MTURN: variants seen among roughly 807,000 people sequenced by gnomAD.
MTURN encodes the protein maturin.
Under a neutral mutation model 14.9 loss-of-function variants are expected in MTURN, and 7 were observed. That is an observed-to-expected ratio of 0.47 (90% CI 0.27 to 0.88). The LOEUF (loss-of-function observed/expected upper bound fraction) is 0.88. Among genes scored for constraint, MTURN ranks in the 40% least tolerant of loss-of-function variants. The pLI, the probability that MTURN is intolerant of heterozygous loss-of-function variation, is 0.14. For missense variants in MTURN, 151 were observed against 174.1 expected (o/e 0.87, Z 0.75); for synonymous variants, 69 against 72.5 (o/e 0.95, Z 0.25).
At chr7:30,155,478 G>GT (rs558116013) in intron 2 of MTURN, among the ~76,000 whole-genome samples, 31 of 152,288 alleles carry the variant, frequency 2.0e-4, no homozygotes, top group African/African-American at 7.5e-4. Flanking sequence ...GGCAAACTTG[G>GT]TTTTTTATTC....
intron 1 of MTURN, among the ~76,000 whole-genome samples, chr7:30,139,770 CTT>C (rs1010690429): frequency 3.6e-4 from 55 of 152,236 alleles, no homozygotes; most frequent in African/African-American, 1.1e-3. Context: ...CTTGCACACT[CTT>C]TCTCTATCTC....
intron 1 of MTURN, among the ~76,000 whole-genome samples, chr7:30,142,910 T>C (rs1453214364): frequency 1.3e-5 from 2 of 152,248 alleles, no homozygotes; most frequent in South Asian, 2.1e-4. Context: ...CTGTAGTTTT[T>C]TTCCTGGTCA....
At position 30,157,492 on chromosome 7, in the gene MTURN, G is replaced by C. The variant is rs757538874; in HGVS notation, c.340G>C (p.Val114Leu). The C allele has an allele frequency of 2.5e-6, 4 of 1,607,570 alleles. 1 individual carries two copies. The South Asian group carries it at 4.4e-5, about 18-fold the overall frequency. ...TGCGTTTGAAGAGTACAGTGCTGACGTGGAAGAAGAGGAGCCAGAGGCGGA... is the reference window on the plus strand; with the variant it reads ...TGCGTTTGAAGAGTACAGTGCTGACCTGGAAGAAGAGGAGCCAGAGGCGGA... ...DDAFEEYSAD[V>L]EEEEPEADHP... The change falls in exon 3 of 3, where the codon GTG (valine) becomes CTG (leucine). Residue 114 changes from valine to leucine, a missense_variant. By Grantham distance (32) the Val-to-Leu change is conservative (BLOSUM62 1). Transcript: ENST00000324453.
rs1797348708 is a variant in MTURN, at chr7:30,160,231, TA to T, written c.*2684del. The T allele has an allele frequency of 6.6e-6, 1 of 152,314 alleles. No homozygotes were observed. Among genetic ancestry groups the T allele is most frequent in the Non-Finnish European group, 1.5e-5 (1 of 68,126 alleles). The allele number at this position is 152,314 out of a possible 1,614,324, so 9.4% of individuals were successfully genotyped here. The stretch of plus-strand genomic sequence containing the variant: ...TGGGATCTTGCCAAGGTGCTGCCTT[TA>T]GGATGCTGACCCCTGCACTACCTTA... On this transcript the variant is annotated 3_prime_UTR_variant, in exon 3 of 3. Coordinates refer to ENST00000324453, the MANE Select transcript of MTURN (RefSeq NM_152793.3).
At chr7:30,142,689 C>A (rs1452407223) in intron 1 of MTURN, among the ~76,000 whole-genome samples, 1 of 151,906 alleles carries the variant, frequency 6.6e-6, no homozygotes, top group Non-Finnish European at 1.5e-5. Flanking sequence ...TCTGCCCCCC[C>A]AGCACGCAAC....
At chr7:30,154,374 C>T (rs1005298471) in intron 2 of MTURN, among the ~76,000 whole-genome samples, 4 of 152,182 alleles carry the variant, frequency 2.6e-5, no homozygotes, top group African/African-American at 9.7e-5. Flanking sequence ...CCCATGTTCC[C>T]TGGGATAGGC....
chr7:30,135,038 GCC>G lies in MTURN; in HGVS notation c.-97_-96del. On this transcript the variant is annotated 5_prime_UTR_variant, in exon 1 of 3. Transcript: ENST00000324453. Reference sequence around the variant, plus strand: ...GCCGGCCCAGCCCGGCCCCGGAGGAGCCCGCGCAGGCCGAGCCGAGCGCCGCG... The same window carrying G: ...GCCGGCCCAGCCCGGCCCCGGAGGAGCGCGCAGGCCGAGCCGAGCGCCGCG... 13 of 1,050,262 alleles carry G rather than the reference GCC, an allele frequency of 1.2e-5. No individual in the cohort carries two copies. The highest frequency in any genetic ancestry group is 1.5e-5 in the Non-Finnish European group (13 of 854,912). The allele number at this position is 1,050,262 out of a possible 1,614,324, so 65.1% of individuals were successfully genotyped here.
chr7:30,136,152 T>C (rs1015853777), intron 1 of MTURN, among the ~76,000 whole-genome samples: 2 of 152,180 alleles, frequency 1.3e-5, no homozygotes, highest in Admixed American at 6.5e-5. Context: ...TGAAGCCCGT[T>C]GGCTTTTCCA....
intron 2 of MTURN, among the ~76,000 whole-genome samples, chr7:30,151,665 T>C (rs1052314462): frequency 3.3e-5 from 5 of 152,228 alleles, no homozygotes; most frequent in African/African-American, 1.2e-4. Context: ...TTACCAACGC[T>C]GTGGACATTA....
intron 2 of MTURN, among the ~76,000 whole-genome samples, chr7:30,151,820 C>T (rs1408473157): frequency 6.6e-6 from 1 of 152,188 alleles, no homozygotes; most frequent in Non-Finnish European, 1.5e-5. Context: ...TGCTGTGTGA[C>T]TCTGCGTTTC....
intron 1 of MTURN, 22 bp from the exon 2 acceptor site, chr7:30,146,155 T>A: frequency 1.2e-6 from 2 of 1,613,462 alleles, no homozygotes; most frequent in Non-Finnish European, 1.7e-6. Flanking sequence ...GTTTTCTCCT[T>A]CCGTCGCCCG....
intron 1 of MTURN, chr7:30,137,792 C>G (rs1195329197): frequency 2.5e-6 from 1 of 393,698 alleles, no homozygotes; most frequent in Non-Finnish European, 5.3e-6. Flanking sequence ...AGTGTGAGAT[C>G]AATGGAATTT....
At chr7:30,147,501 C>T (rs1797146337) in intron 2 of MTURN, among the ~76,000 whole-genome samples, 1 of 152,126 alleles carries the variant, frequency 6.6e-6, no homozygotes, top group Non-Finnish European at 1.5e-5. Flanking sequence ...GGCCCAGCTT[C>T]AAGTGGGGAT....
chr7:30,162,100 A>G lies in MTURN; in HGVS notation c.*4552A>G, dbSNP rs372788803. On this transcript the variant is annotated 3_prime_UTR_variant, in exon 3 of 3. Coordinates refer to ENST00000324453, the MANE Select transcript of MTURN (RefSeq NM_152793.3). Reference sequence around the variant, plus strand: ...TGTTAGAAACCCCATTTAAAGCACTATAAGGCTGAATAGGCACAAGCGATT... The same window carrying G: ...TGTTAGAAACCCCATTTAAAGCACTGTAAGGCTGAATAGGCACAAGCGATT... 1 of 152,202 alleles carries G rather than the reference A, an allele frequency of 6.6e-6. No individual in the cohort carries two copies. The highest frequency in any genetic ancestry group is 2.4e-5 in the African/African-American group (1 of 41,434). 9.4% of individuals were successfully genotyped at this position (152,202 alleles called of 1,614,324 possible). A position where few individuals can be genotyped will look rare whatever the true frequency, so the allele number is the denominator to read the frequency against.
In MTURN at chr7:30,145,979, G is replaced by A. The variant is rs1426387651; in HGVS notation, c.163-198G>A. 3.8e-5 allele frequency: 59 copies of A among 1,550,822 alleles called. No individual in the cohort carries two copies. The Admixed American group carries it at 7.5e-4, about 20-fold the overall frequency. ...GGTGAGGTATGGACCAAAAGCTCGG[G>A]GGCTTCTATAGATTAGACATTTTTT... is the stretch of plus-strand genomic sequence containing the variant. On this transcript the variant is annotated intron_variant, in intron 1 of 2. Transcript: ENST00000324453.
rs1164287425 is a variant in MTURN at position 30,161,506 on chromosome 7, CTG to C, written c.*3960_*3961del. ...AAAACCAGCTGCCAGCCTGAGAAGC[CTG>C]TCTTTCCCAAATGCAGGCAGATCTG... is the stretch of plus-strand genomic sequence containing the variant. On this transcript the variant is annotated 3_prime_UTR_variant, in exon 3 of 3. Transcript: ENST00000324453. 1 of 152,256 alleles carries C rather than the reference CTG, an allele frequency of 6.6e-6. No individual in the cohort carries two copies. The highest frequency in any genetic ancestry group is 2.4e-5 in the African/African-American group (1 of 41,458). 9.4% of individuals were successfully genotyped at this position (152,256 alleles called of 1,614,324 possible).
At chr7:30,135,735 C>T (rs987651645) in intron 1 of MTURN, among the ~76,000 whole-genome samples, 1 of 152,190 alleles carries the variant, frequency 6.6e-6, no homozygotes, top group Non-Finnish European at 1.5e-5. Context: ...CGGAGCTTCC[C>T]ACATCCAGGC....
chr7:30,161,306 A>G lies in MTURN; in HGVS notation c.*3758A>G. 6.6e-6 allele frequency: 1 copy of G among 152,234 alleles called. No homozygotes were observed. Among genetic ancestry groups the G allele is most frequent in the Non-Finnish European group, 1.5e-5 (1 of 68,068 alleles). 9.4% of individuals were successfully genotyped at this position (152,234 alleles called of 1,614,324 possible). The stretch of plus-strand genomic sequence containing the variant: ...TGACAGTTACCACCTGAGCCCCAGG[A>G]AAACTGTTTTCATTTTCACGGCTGT... On this transcript the variant is annotated 3_prime_UTR_variant, in exon 3 of 3. Transcript: ENST00000324453.
At chr7:30,147,490 G>A (rs1797146257) in intron 2 of MTURN, among the ~76,000 whole-genome samples, 1 of 152,144 alleles carries the variant, frequency 6.6e-6, no homozygotes, top group African/African-American at 2.4e-5. Flanking sequence ...GGGCCTCTGG[G>A]GGCCCAGCTT....
Sources: allele counts gnomAD v4.1 joint callset (sites outside exome capture counted in the v4.1 genomes callset), GRCh38; gene constraint gnomAD v4.1.1; transcripts MANE v1.5; gene names NCBI Gene and HGNC (gene_info 2026-07-23, HGNC 2026-07-21).